PNPT1: variants seen among roughly 807,000 people sequenced by gnomAD.
The protein encoded by PNPT1 is polyribonucleotide nucleotidyltransferase 1.
PNPT1 carries 53 observed loss-of-function variants against 119.5 expected under a neutral mutation model. That is an observed-to-expected ratio of 0.44 (90% CI 0.36 to 0.56). The LOEUF is 0.56. Ranked by LOEUF, PNPT1 falls within the 20% of genes least tolerant of loss-of-function variation. PNPT1 has a pLI of 0.00. For missense variants in PNPT1, 948 were observed against 938.5 expected, an observed-to-expected ratio of 1.01 and a Z score of -0.13; for synonymous variants, 357 against 322.1, an observed-to-expected ratio of 1.11 and a Z score of -1.16.
chr2:55,638,386 G>T (rs571141790), intron 26 of PNPT1, among the ~76,000 whole-genome samples: 1 of 152,144 alleles, frequency 6.6e-6, no homozygotes, highest in South Asian at 2.1e-4. Flanking sequence ...AACAGGCTGG[G>T]TACAGTGGCT....
intron 26 of PNPT1, among the ~76,000 whole-genome samples, chr2:55,639,055 C>T (rs771554099): frequency 2.5e-4 from 38 of 152,182 alleles, no homozygotes; most frequent in Admixed American, 4.6e-4. Context: ...GGCTTACAGG[C>T]GTGAGCCACT....
At chr2:55,670,407 C>T (rs1696873973) in intron 11 of PNPT1, among the ~76,000 whole-genome samples, 1 of 151,352 alleles carries the variant, frequency 6.6e-6, no homozygotes, top group African/African-American at 2.4e-5. Context: ...AGGATGGTCT[C>T]GATCTCTTGA....
intron 18 of PNPT1, among the ~76,000 whole-genome samples, chr2:55,650,298 A>C (rs1696134126): frequency 6.6e-6 from 1 of 152,108 alleles, no homozygotes; most frequent in Non-Finnish European, 1.5e-5. Context: ...GCGCGCCGCC[A>C]CGCCTGACTG....
chr2:55,654,048 G>A (rs1404620987), intron 18 of PNPT1, among the ~76,000 whole-genome samples: 1 of 152,118 alleles, frequency 6.6e-6, no homozygotes, highest in Non-Finnish European at 1.5e-5. Context: ...CACGAGGTCA[G>A]GAGTTCGAGG....
At chr2:55,684,475 A>G (rs1418520723) in intron 4 of PNPT1, among the ~76,000 whole-genome samples, 2 of 152,214 alleles carry the variant, frequency 1.3e-5, no homozygotes, top group Non-Finnish European at 1.5e-5. Context: ...AAAAAAAGCA[A>G]TTTCTGGGTA....
chr2:55,664,130 C>A (rs1380565554), intron 13 of PNPT1, among the ~76,000 whole-genome samples: 1 of 152,128 alleles, frequency 6.6e-6, no homozygotes, highest in African/African-American at 2.4e-5. Flanking sequence ...AAAAGCCTAT[C>A]TTTTTCTTAT....
rs1370033589 is a variant in PNPT1 at position 55,667,036 on chromosome 2, A to C, written c.1131T>G (p.Phe377Leu). Reference protein sequence around the residue: ...LRNVSCEVDMFKTLHGSALFQ... With the variant: ...LRNVSCEVDMLKTLHGSALFQ... ...ATAATGCTGATCCATGAAGGGTTTT[A>C]AACATATCTACCTCACAACTTACAT... Residue 377 changes from phenylalanine (F) to leucine (L), a missense_variant, in exon 13 of 28, where the codon TTT becomes TTG. Physicochemically the swap from Phe to Leu is conservative, Grantham distance 22. Transcript: ENST00000447944. 2 of 1,609,982 alleles carry C rather than the reference A, an allele frequency of 1.2e-6. No homozygotes were observed. The highest frequency in any genetic ancestry group is 2.7e-5 in the African/African-American group (2 of 74,678).
intron 1 of PNPT1, among the ~76,000 whole-genome samples, chr2:55,691,376 T>A (rs909195895): frequency 6.6e-6 from 1 of 152,224 alleles, no homozygotes; most frequent in Non-Finnish European, 1.5e-5. Context: ...GTAAAGAATA[T>A]ATATGATAAC....
chr2:55,667,987 G>C (rs1414563694), intron 11 of PNPT1, 29 bp from the exon 12 acceptor site: 1 of 1,549,022 alleles, frequency 6.5e-7, no homozygotes, highest in Non-Finnish European at 8.7e-7. Context: ...CCAAAACAAA[G>C]ATTTTTACTT....
chr2:55,667,837 T>C, intron 12 of PNPT1, 25 bp downstream of exon 12: 1 of 1,589,756 alleles, frequency 6.3e-7, no homozygotes, highest in Non-Finnish European at 8.5e-7. Flanking sequence ...CATACTTCAA[T>C]TTCAACAAAA....
chr2:55,663,995 A>G (rs1572816012), intron 13 of PNPT1, among the ~76,000 whole-genome samples: 1 of 152,302 alleles, frequency 6.6e-6, no homozygotes, highest in Admixed American at 6.5e-5. Flanking sequence ...TCCCAAAAAA[A>G]GAAAACTCAT....
intron 11 of PNPT1, among the ~76,000 whole-genome samples, chr2:55,670,259 T>A (rs1025983301): frequency 2.0e-5 from 3 of 152,056 alleles, no homozygotes; most frequent in African/African-American, 7.2e-5. Context: ...CGATCTCGAC[T>A]CGCTGCAAGC....
intron 13 of PNPT1, among the ~76,000 whole-genome samples, chr2:55,663,154 G>T (rs568451045): frequency 6.6e-6 from 1 of 152,316 alleles, no homozygotes; most frequent in African/African-American, 2.4e-5. Context: ...AAAGTGCTGG[G>T]ATTACAGGCG....
At chr2:55,664,895 T>C (rs1194883749) in intron 13 of PNPT1, among the ~76,000 whole-genome samples, 1 of 152,126 alleles carries the variant, frequency 6.6e-6, no homozygotes, top group East Asian at 1.9e-4. Flanking sequence ...TTCTCTCAGA[T>C]TAATATAAAA....
intron 8 of PNPT1, among the ~76,000 whole-genome samples, chr2:55,674,313 G>A (rs1309721931): frequency 6.6e-6 from 1 of 152,180 alleles, no homozygotes; most frequent in Non-Finnish European, 1.5e-5. Context: ...AAATATAGAG[G>A]CTGAGCGTGG....
chr2:55,684,081 T>G (rs1338470120), intron 4 of PNPT1, among the ~76,000 whole-genome samples: 1 of 152,182 alleles, frequency 6.6e-6, no homozygotes, highest in Non-Finnish European at 1.5e-5. Context: ...TCATTCTGGT[T>G]CCACAGGCAA....
intron 13 of PNPT1, among the ~76,000 whole-genome samples, chr2:55,665,125 G>C (rs1394842080): frequency 6.6e-6 from 1 of 152,058 alleles, no homozygotes; most frequent in Non-Finnish European, 1.5e-5. Context: ...ACGTAACAAT[G>C]AAAAAGGATA....
chr2:55,675,074 A>C (rs1436144550), intron 8 of PNPT1, among the ~76,000 whole-genome samples: 1 of 152,146 alleles, frequency 6.6e-6, no homozygotes, highest in East Asian at 1.9e-4. Context: ...CAGGCTGAGC[A>C]ACACAGCAAG....
chr2:55,647,361 G>A lies in PNPT1; in HGVS notation c.1588C>T (p.Leu530=), dbSNP rs1363630066. 1 of 1,606,180 alleles carries A rather than the reference G, an allele frequency of 6.2e-7. No homozygotes were observed. Among genetic ancestry groups the A allele is most frequent in the Non-Finnish European group, 8.5e-7 (1 of 1,175,738 alleles). The change falls in exon 19 of 28, where the codon CTG becomes TTG. Residue 530 remains leucine (L), a synonymous_variant. Coordinates refer to ENST00000447944, the MANE Select transcript of PNPT1 (RefSeq NM_033109.5). ...EKGEIEDYRL[L]TDILGIEDYN... Reference sequence around the variant, plus strand: ...AATATACTTGCCAAAATATCTGTCAGCAAACGATAATCTTCTATTTCACCC... The same window carrying A: ...AATATACTTGCCAAAATATCTGTCAACAAACGATAATCTTCTATTTCACCC...
Sources: allele counts gnomAD v4.1 joint callset (sites outside exome capture counted in the v4.1 genomes callset), GRCh38; gene constraint gnomAD v4.1.1; transcripts MANE v1.5; gene names NCBI Gene and HGNC (gene_info 2026-07-23, HGNC 2026-07-21).